The following IL18BP variants were observed in gnomAD, a reference collection of about 807,000 sequenced individuals.
IL18BP encodes interleukin 18 binding protein.
IL18BP carries 23 observed loss-of-function variants against 19.9 expected under a neutral mutation model. The observed-to-expected ratio is 1.15, with a 90% CI of 0.83 to 1.64. The LOEUF (loss-of-function observed/expected upper bound fraction) is 1.64, where lower values mean the gene tolerates loss of function less well. Among genes scored for constraint, IL18BP ranks in the 40% most tolerant of loss-of-function variants. IL18BP has a pLI of 0.00. For missense variants in IL18BP, 239 were observed against 240.7 expected, an observed-to-expected ratio of 0.99 and a Z score of 0.05; for synonymous variants, 107 against 101.0, an observed-to-expected ratio of 1.06 and a Z score of -0.35.
rs1424363433 is a variant in IL18BP at position 72,001,325 on chromosome 11, G to C, written c.359+1G>C. On this transcript the variant is annotated splice_donor_variant, in intron 4 of 5. Coordinates refer to ENST00000393703, the MANE Select transcript of IL18BP (RefSeq NM_001039660.2). LOFTEE classifies it high-confidence loss of function. ...GCCGACTGTGGGAGGGGAGCACCAG[G>C]TGAGGGTCGCAGCAGCCAGGTGGGT... 6.2e-7 allele frequency: 1 copy of C among 1,614,260 alleles called. No individual in the cohort carries two copies. The highest frequency in any genetic ancestry group is 8.5e-7 in the Non-Finnish European group (1 of 1,180,048).
downstream of IL18BP, chr11:72,004,619 C>T: frequency 6.2e-7 from 1 of 1,608,174 alleles, no homozygotes; most frequent in South Asian, 1.1e-5. Flanking sequence ...TGGAGTAACA[C>T]CCAGGAGCCA....
intron 2 of IL18BP, 45 bp from the exon 3 acceptor site, chr11:72,000,306 C>T (rs1475695764): frequency 6.5e-7 from 1 of 1,545,484 alleles, no homozygotes; most frequent in Admixed American, 1.7e-5. Flanking sequence ...CCGGGCAGCC[C>T]ACTCTGTCTC....
downstream of IL18BP, chr11:72,006,390 TTAAAGTGTGTGTCTGCAAGAA>T (rs1446197759): frequency 4.1e-6 from 3 of 736,756 alleles, no homozygotes; most frequent in Non-Finnish European, 4.4e-6. Context: ...GCAAAGGTCC[TTAAAGTGTGTGTCTGCAAGAA>T]ATGGGCCTTG....
At chr11:71,999,790 AC>A in intron 1 of IL18BP, 136 bp from the exon 2 acceptor site, 6 of 596,950 alleles carry the variant, frequency 1.0e-5, no homozygotes, top group Non-Finnish European at 9.1e-6. Context: ...TTGTCACTTG[AC>A]CCCCCCAGCT....
chr11:72,005,369 C>T, downstream of IL18BP: 1 of 1,604,274 alleles, frequency 6.2e-7, no homozygotes, highest in Non-Finnish European at 8.5e-7. Context: ...GCTGTTCCTT[C>T]CTGTGGAAGG....
chr11:72,003,642 C>T (rs5743681), downstream of IL18BP: 5,384 of 1,472,946 alleles, frequency 3.7e-3, 185 homozygotes, highest in African/African-American at 0.067. Context: ...GTCTGGATCC[C>T]CTCCCTTGTG....
chr11:72,006,297 G>C (rs773987753), downstream of IL18BP: 8 of 1,587,372 alleles, frequency 5.0e-6, no homozygotes, highest in East Asian at 2.2e-5. Context: ...GCAGTGTACA[G>C]TCCCTGGCAC....
Position 72,001,963 on chromosome 11 carries a change from T to C in IL18BP, c.*102T>C. 1.3e-6 allele frequency: 2 copies of C among 1,513,400 alleles called. No homozygotes were observed. Among genetic ancestry groups the C allele is most frequent in the South Asian group, 1.2e-5 (1 of 84,030 alleles). 93.7% of individuals were successfully genotyped at this position (1,513,400 alleles called of 1,614,324 possible). ...CCTGACTGCCTGTAGGCTGCGTGGA[T>C]GCGCAACACACCCCCTCCTTCTCTG... is the stretch of plus-strand genomic sequence containing the variant. On this transcript the variant is annotated 3_prime_UTR_variant, in exon 6 of 6. Coordinates refer to ENST00000393703, the MANE Select transcript of IL18BP (RefSeq NM_001039660.2).
chr11:71,999,235 GA>G (rs1955084481), intron 1 of IL18BP: 1 of 465,398 alleles, frequency 2.1e-6, no homozygotes, highest in Admixed American at 2.3e-5. Context: ...CAGTGCCTAG[GA>G]AAGTTGTCCC....
At chr11:72,004,185 G>A (rs779674626), downstream of IL18BP, 43 of 1,603,362 alleles carry the variant, frequency 2.7e-5, no homozygotes, top group African/African-American at 8.1e-5. Context: ...GCAAGGTCCC[G>A]CCAGGGCGTC....
chr11:72,005,203 G>A, downstream of IL18BP: 1 of 1,542,716 alleles, frequency 6.5e-7, no homozygotes, highest in Non-Finnish European at 8.7e-7. Context: ...GCAGGGATGG[G>A]AGGCCCTGCA....
Position 72,002,023 on chromosome 11 carries a change from A to G in IL18BP, c.*162A>G. ...CCTTCTCTCACCAAATTCAAACTCC[A>G]TTCCCACCTACCTAGAAAATCACAG... On this transcript the variant is annotated 3_prime_UTR_variant, in exon 6 of 6. Transcript: ENST00000393703. The G allele has an allele frequency of 1.0e-6, 1 of 987,606 alleles. No individual in the cohort carries two copies. Among genetic ancestry groups the G allele is most frequent in the Non-Finnish European group, 1.5e-6 (1 of 669,208 alleles). The allele number at this position is 987,606 out of a possible 1,614,324, so 61.2% of individuals were successfully genotyped here.
downstream of IL18BP, chr11:72,007,532 G>C: frequency 6.9e-7 from 1 of 1,444,014 alleles, no homozygotes; most frequent in South Asian, 1.2e-5. Flanking sequence ...CTTACTACAA[G>C]CAGATGAGGT....
chr11:72,000,668 G>GGT, intron 3 of IL18BP, 111 bp downstream of exon 3: 1 of 879,518 alleles, frequency 1.1e-6, no homozygotes, highest in Non-Finnish European at 1.8e-6. Context: ...TGAGCCAGCT[G>GGT]GGCTGAGCAC....
chr11:72,000,249 T>A (rs960341808), intron 2 of IL18BP, 102 bp from the exon 3 acceptor site: 30 of 1,116,286 alleles, frequency 2.7e-5, no homozygotes, highest in Non-Finnish European at 3.8e-5. Context: ...CCGCTCTGAT[T>A]CCCTGGCTAG....
intron 2 of IL18BP, 79 bp downstream of exon 2, chr11:72,000,091 G>A: frequency 6.6e-7 from 1 of 1,512,582 alleles, no homozygotes; most frequent in Non-Finnish European, 9.1e-7. Flanking sequence ...CTAACCCGGA[G>A]CCTTCACTCC....
chr11:72,001,760 C>T (rs1955260616), intron 5 of IL18BP, 24 bp from the exon 6 acceptor site: 4 of 1,614,108 alleles, frequency 2.5e-6, no homozygotes, highest in African/African-American at 1.3e-5. Context: ...TTGGCCTGAT[C>T]CTTGTCTGCC....
chr11:72,007,201 G>C, downstream of IL18BP: 1 of 1,609,542 alleles, frequency 6.2e-7, no homozygotes, highest in Non-Finnish European at 8.5e-7. Flanking sequence ...TGGTCATGGT[G>C]ATGTTGATGA....
downstream of IL18BP, chr11:72,003,788 C>A: frequency 7.8e-7 from 1 of 1,285,434 alleles, no homozygotes. Flanking sequence ...CCTCCAGCAG[C>A]CTGGCGTGGC....
Sources: allele counts gnomAD v4.1 joint callset, GRCh38; gene constraint gnomAD v4.1.1; transcripts MANE v1.5; gene names NCBI Gene and HGNC (gene_info 2026-07-23, HGNC 2026-07-21).